DYNC1I1: variants seen among roughly 807,000 people sequenced by gnomAD.
DYNC1I1 encodes dynein cytoplasmic 1 intermediate chain 1, also known as cytoplasmic dynein 1 intermediate chain 1.
Under a neutral mutation model 86.6 loss-of-function variants are expected in DYNC1I1, and 43 were observed. That is an observed-to-expected ratio of 0.50 (90% CI 0.39 to 0.64). DYNC1I1 has a LOEUF of 0.64. Ranked by LOEUF, DYNC1I1 falls within the 30% of genes least tolerant of loss-of-function variation. DYNC1I1 has a pLI of 0.00. For missense variants in DYNC1I1, 604 were observed against 788.8 expected (o/e 0.77, Z 2.81); for synonymous variants, 262 against 283.7 (o/e 0.92, Z 0.77).
intron 1 of DYNC1I1, among the ~76,000 whole-genome samples, chr7:95,774,537 G>C (rs1258180063): frequency 6.6e-6 from 1 of 152,108 alleles, no homozygotes; most frequent in Non-Finnish European, 1.5e-5. Context: ...CAGGAAAAGG[G>C]GCAGAGTTCT....
intron 13 of DYNC1I1, among the ~76,000 whole-genome samples, 155 bp from the exon 14 acceptor site, chr7:96,039,122 C>G (rs1788957548): frequency 6.6e-6 from 1 of 152,132 alleles, no homozygotes; most frequent in Admixed American, 6.6e-5. Flanking sequence ...CAATTTCTTT[C>G]AGGATAACTG....
At chr7:96,050,205 C>A (rs536847758) in intron 14 of DYNC1I1, among the ~76,000 whole-genome samples, 1 of 152,002 alleles carries the variant, frequency 6.6e-6, no homozygotes, top group African/African-American at 2.4e-5. Flanking sequence ...AGTCTGTATT[C>A]GAGGGGGAAT....
At chr7:95,861,162 A>G (rs754539345) in intron 5 of DYNC1I1, among the ~76,000 whole-genome samples, 4 of 151,592 alleles carry the variant, frequency 2.6e-5, no homozygotes, top group Non-Finnish European at 5.9e-5. Context: ...CACCTTATCT[A>G]CCTCTACTCC....
intron 10 of DYNC1I1, among the ~76,000 whole-genome samples, chr7:96,002,810 G>C (rs1051441894): frequency 6.6e-6 from 1 of 150,984 alleles, no homozygotes; most frequent in African/African-American, 2.4e-5. Context: ...TTTTTTTTTT[G>C]GTTTTGGTTT....
At chr7:95,796,685 T>C (rs946537518) in intron 1 of DYNC1I1, among the ~76,000 whole-genome samples, 1 of 152,120 alleles carries the variant, frequency 6.6e-6, no homozygotes, top group Non-Finnish European at 1.5e-5. Context: ...CTGTTTAGAT[T>C]ATTTATATAA....
intron 6 of DYNC1I1, among the ~76,000 whole-genome samples, chr7:95,890,770 G>T (rs985394493): frequency 2.6e-5 from 4 of 152,152 alleles, no homozygotes; most frequent in Admixed American, 1.3e-4. Flanking sequence ...CAGAAGGTTT[G>T]GGATGGATCC....
At chr7:96,036,670 A>G (rs1482137823) in intron 13 of DYNC1I1, among the ~76,000 whole-genome samples, 3 of 152,202 alleles carry the variant, frequency 2.0e-5, no homozygotes, top group Non-Finnish European at 4.4e-5. Context: ...ATGATATATA[A>G]TGTAATCCAT....
intron 6 of DYNC1I1, among the ~76,000 whole-genome samples, chr7:95,946,950 G>A (rs1343834388): frequency 6.6e-6 from 1 of 152,148 alleles, no homozygotes; most frequent in East Asian, 1.9e-4. Flanking sequence ...AGGCCTCCCT[G>A]GTCTGCTGAT....
intron 6 of DYNC1I1, among the ~76,000 whole-genome samples, chr7:95,954,461 T>C (rs1032091136): frequency 2.0e-5 from 3 of 152,054 alleles, no homozygotes; most frequent in Non-Finnish European, 2.9e-5. Context: ...AGTGCTGGTG[T>C]AGACAGTGCT....
intron 5 of DYNC1I1, among the ~76,000 whole-genome samples, chr7:95,857,376 G>A (rs1371152862): frequency 6.6e-6 from 1 of 152,184 alleles, no homozygotes; most frequent in Non-Finnish European, 1.5e-5. Context: ...AAAGGAGTAT[G>A]TGCAGAAACA....
At chr7:95,889,964 G>A (rs545726271) in intron 6 of DYNC1I1, among the ~76,000 whole-genome samples, 16 of 152,170 alleles carry the variant, frequency 1.1e-4, no homozygotes, top group South Asian at 2.1e-4. Flanking sequence ...GCAAGGTTGC[G>A]GATAAAAGAG....
chr7:95,889,986 A>T (rs1031708961), intron 6 of DYNC1I1, among the ~76,000 whole-genome samples: 1 of 152,208 alleles, frequency 6.6e-6, no homozygotes, highest in Non-Finnish European at 1.5e-5. Flanking sequence ...ATGCTTACAC[A>T]CTGTTGGTGG....
At chr7:96,098,553 C>T, downstream of DYNC1I1, 1 of 526,456 alleles carries the variant, frequency 1.9e-6, no homozygotes, top group Non-Finnish European at 2.4e-6. Flanking sequence ...GAGCAGCCAA[C>T]CTGGCTGGAC....
intron 6 of DYNC1I1, among the ~76,000 whole-genome samples, chr7:95,889,674 T>C (rs138842524): frequency 4.3e-4 from 66 of 151,928 alleles, no homozygotes; most frequent in African/African-American, 1.5e-3. Context: ...TGAGAGAAAA[T>C]ATTTGCAAAC....
In DYNC1I1 at chr7:95,835,357, TC is replaced by T. The variant is rs1437334486; in HGVS notation, c.374+7242del. Reference sequence around the variant, plus strand: ...AGAGATAGTTTGTTATAATTTCTGTTCTTTTACATTTGCTGAGGAGAGCTTT... The same window carrying T: ...AGAGATAGTTTGTTATAATTTCTGTTTTTTACATTTGCTGAGGAGAGCTTT... On this transcript the variant is annotated intron_variant, in intron 5 of 16. Coordinates refer to ENST00000447467, the MANE Select transcript of DYNC1I1 (RefSeq NM_001135556.2). 2.1e-5 allele frequency among the ~76,000 whole-genome samples: 3 copies of T among 141,326 alleles called. No homozygotes were observed. In the East Asian group the frequency reaches 6.2e-4, roughly 29 times the overall value. The allele number at this position is 141,326 out of a possible 152,430, so 92.7% of individuals were successfully genotyped here.
chr7:95,788,323 A>G (rs1794202921), intron 1 of DYNC1I1, among the ~76,000 whole-genome samples: 1 of 152,168 alleles, frequency 6.6e-6, no homozygotes, highest in East Asian at 1.9e-4. Flanking sequence ...GATCCTGGAA[A>G]TGTTTGGAAG....
intron 16 of DYNC1I1, among the ~76,000 whole-genome samples, chr7:96,096,403 C>T (rs939189071): frequency 6.6e-6 from 1 of 151,942 alleles, no homozygotes; most frequent in Admixed American, 6.6e-5. Flanking sequence ...GCACTAGTAC[C>T]TATAGGTAAA....
At chr7:95,821,139 A>G (rs1445358159) in intron 4 of DYNC1I1, among the ~76,000 whole-genome samples, 1 of 152,258 alleles carries the variant, frequency 6.6e-6, no homozygotes. Flanking sequence ...CAGGTAAAGA[A>G]TATTCATTTG....
intron 16 of DYNC1I1, among the ~76,000 whole-genome samples, chr7:96,082,758 A>G (rs968934634): frequency 1.3e-5 from 2 of 152,208 alleles, no homozygotes; most frequent in African/African-American, 4.8e-5. Flanking sequence ...TTACTTGAAT[A>G]TGACATATTT....
Sources: gnomAD v4.1 joint callset for allele counts (sites outside exome capture counted in the v4.1 genomes callset) on GRCh38, gnomAD v4.1.1 for gene constraint, MANE v1.5 for transcripts, NCBI Gene and HGNC (gene_info 2026-07-23, HGNC 2026-07-21) for gene names.